The following PPFIA4 variants were observed in gnomAD, a reference collection of about 807,000 sequenced individuals.
The protein encoded by PPFIA4 is PPFI scaffold protein A4, also known as liprin-alpha-4.
A neutral mutation model predicts 145.7 loss-of-function variants in PPFIA4; 98 were observed. The ratio of observed to expected loss-of-function variants is 0.67; its 90% CI spans 0.57 to 0.80. The LOEUF (loss-of-function observed/expected upper bound fraction) is 0.80. Ranked by LOEUF, PPFIA4 falls within the 30% of genes least tolerant of loss-of-function variation. The pLI, the probability that PPFIA4 is intolerant of heterozygous loss-of-function variation, is 0.00. For missense variants in PPFIA4, 1,457 were observed against 1,632.7 expected (o/e 0.89, Z 1.85); for synonymous variants, 628 against 649.6 (o/e 0.97, Z 0.51).
At chr1:203,061,579 G>T in intron 23 of PPFIA4, 73 bp from the exon 24 acceptor site, 1 of 1,434,160 alleles carries the variant, frequency 7.0e-7, no homozygotes, top group Non-Finnish European at 9.3e-7. Context: ...CTCCTTGATG[G>T]GGCCTAGGGT....
In PPFIA4 at chr1:203,055,968, C is replaced by CTT. The variant is rs199570318; in HGVS notation, c.2071-139_2071-138dup. 1.1e-4 allele frequency among the ~76,000 whole-genome samples: 16 copies of CTT among 145,980 alleles called. No individual in the cohort carries two copies. The highest frequency in any genetic ancestry group is 1.4e-4 in the Non-Finnish European group (9 of 66,196). On this transcript the variant is annotated intron_variant, in intron 16 of 29. Transcript: ENST00000295706. The surrounding 1 kb of genome is among the most constrained non-coding windows in gnomAD (Gnocchi z 4.8). ...GCCCTGGCTTGTTTTTCTAGGCCAG[C>CTT]TTTTTTTTTTTTTTCTGGCGTGATA...
At chr1:203,058,499 G>T (rs992986298) in intron 19 of PPFIA4, among the ~76,000 whole-genome samples, 1 of 152,176 alleles carries the variant, frequency 6.6e-6, no homozygotes, top group Non-Finnish European at 1.5e-5. Flanking sequence ...TATGATTTTC[G>T]ATGCTCTCCA....
chr1:203,044,316 C>A, intron 4 of PPFIA4, 63 bp from the exon 5 acceptor site: 5 of 1,466,048 alleles, frequency 3.4e-6, no homozygotes, highest in South Asian at 1.2e-5. Flanking sequence ...CAAGCCCAGT[C>A]TCTTCCAGCC....
intron 1 of PPFIA4, among the ~76,000 whole-genome samples, chr1:203,029,319 C>T (rs1658657424): frequency 6.6e-6 from 1 of 152,244 alleles, no homozygotes; most frequent in South Asian, 2.1e-4. Context: ...CTGCCTTTCA[C>T]TTGGTGGCTG....
At chr1:203,039,974 C>A (rs1659584066) in intron 2 of PPFIA4, among the ~76,000 whole-genome samples, 1 of 152,214 alleles carries the variant, frequency 6.6e-6, no homozygotes, top group South Asian at 2.1e-4. Context: ...CTCACCACTG[C>A]ACCTATTTCT....
chr1:203,065,298 A>T (rs973800563), intron 25 of PPFIA4, among the ~76,000 whole-genome samples: 3 of 152,148 alleles, frequency 2.0e-5, no homozygotes, highest in Admixed American at 2.0e-4. Context: ...GGAAGACCGC[A>T]TCCTCCCCTC....
chr1:203,056,932 G>C lies in PPFIA4; in HGVS notation c.2389G>C (p.Asp797His), dbSNP rs774650502. Residue 797 changes from aspartate to histidine, a missense_variant, in exon 19 of 30, where the codon GAT becomes CAT. By Grantham distance (81) the Asp-to-His change is moderately conservative. This residue lies in a region of PPFIA4 where 848 missense variants were observed against 1,046.7 expected (regional missense o/e 0.81). Coordinates refer to ENST00000295706, the MANE Select transcript of PPFIA4 (RefSeq NM_001304331.2). The stretch of plus-strand genomic sequence containing the variant: ...GGGCAGGCTGATCCAGCTGAGTCGG[G>C]ATGGAGCCACAGGCCATGGTCTCTG... ...EKGRLIQLSR[D>H]GATGHVLLTD... 1.2e-6 allele frequency: 2 copies of C among 1,614,060 alleles called. No individual in the cohort carries two copies. Among genetic ancestry groups the C allele is most frequent in the Non-Finnish European group, 1.7e-6 (2 of 1,179,904 alleles).
intron 14 of PPFIA4, 126 bp from the exon 15 acceptor site, chr1:203,053,627 T>G: frequency 1.6e-4 from 120 of 754,654 alleles, no homozygotes; most frequent in Non-Finnish European, 2.1e-4. Context: ...TGGTGCGGCC[T>G]GAGATTCTGC....
intron 25 of PPFIA4, 21 bp downstream of exon 25, chr1:203,064,024 G>C (rs1661569544): frequency 6.2e-7 from 1 of 1,603,272 alleles, no homozygotes; most frequent in African/African-American, 1.3e-5. Flanking sequence ...CTGGGACCCA[G>C]GGCCACCTCC....
intron 29 of PPFIA4, chr1:203,076,018 T>G: frequency 1.7e-6 from 1 of 584,324 alleles, no homozygotes. Flanking sequence ...TCGGACCTAC[T>G]CCTGCTGACC....
rs575530659 is a variant in PPFIA4 at position 203,035,205 on chromosome 1, T to C, written c.-399-3405T>C. On this transcript the variant is annotated intron_variant, in intron 1 of 29. Coordinates refer to ENST00000295706, the MANE Select transcript of PPFIA4 (RefSeq NM_001304331.2). ...TGGCTGCCACCTGGAGGCTCCCTTTTTGCCCAGCTGAATAGCCCCTCAGAC... is the reference window on the plus strand; with the variant it reads ...TGGCTGCCACCTGGAGGCTCCCTTTCTGCCCAGCTGAATAGCCCCTCAGAC... 4 of 434,788 alleles carry C rather than the reference T, an allele frequency of 9.2e-6. No homozygotes were observed. The East Asian group carries it at 2.9e-4, about 31-fold the overall frequency. 26.9% of individuals were successfully genotyped at this position (434,788 alleles called of 1,614,324 possible).
intron 21 of PPFIA4, 49 bp downstream of exon 21, chr1:203,059,900 C>A: frequency 6.8e-7 from 1 of 1,465,472 alleles, no homozygotes; most frequent in Non-Finnish European, 9.4e-7. Context: ...GGGAAGGATG[C>A]TTGGGGTGGG....
chr1:203,056,369 G>A lies in PPFIA4; in HGVS notation c.2107-6G>A. 6.2e-7 allele frequency: 1 copy of A among 1,613,592 alleles called. No individual in the cohort carries two copies. Among genetic ancestry groups the A allele is most frequent in the Non-Finnish European group, 8.5e-7 (1 of 1,179,664 alleles). On this transcript the variant is annotated splice_polypyrimidine_tract_variant and splice_region_variant and intron_variant, in intron 17 of 29. Transcript: ENST00000295706. ...CTATCCCCTGACGGCTCCACTGTCT[G>A]TTCAGTCGCCAGTGTCTCGGGAAGA...
At chr1:203,035,494 C>T (rs1659174565) in intron 1 of PPFIA4, 5 of 306,614 alleles carry the variant, frequency 1.6e-5, no homozygotes, top group Non-Finnish European at 2.7e-5. Flanking sequence ...TTTGTCCAAT[C>T]CCCCACCCCC....
intron 4 of PPFIA4, 115 bp from the exon 5 acceptor site, chr1:203,044,264 T>C: frequency 8.5e-7 from 1 of 1,181,494 alleles, no homozygotes; most frequent in Non-Finnish European, 1.2e-6. Flanking sequence ...AATGTGCTGC[T>C]TAGTAGGCCC....
chr1:203,036,783 G>C (rs1314221177), intron 1 of PPFIA4, among the ~76,000 whole-genome samples: 1 of 152,244 alleles, frequency 6.6e-6, no homozygotes, highest in Non-Finnish European at 1.5e-5. Context: ...GAGGAGCAGG[G>C]AGGTGCGAGT....
At position 203,063,834 on chromosome 1, in the gene PPFIA4, G is replaced by A; in HGVS notation, c.2881G>A (p.Ala961Thr). ...SEEGSWAQTL[A>T]YGDMNHEWIG... is the part of the protein sequence containing the mutation. ...CTGCATCTCATTTCCCTAGACCCTG[G>A]CCTATGGGGACATGAACCATGAGTG... The change falls in exon 25 of 30, where the codon GCC becomes ACC. Residue 961 changes from alanine to threonine, a missense_variant. Around this residue, in one of 3 missense-constraint regions of PPFIA4, gnomAD observed 848 missense variants for 1,046.7 expected, o/e 0.81. Coordinates refer to ENST00000295706, the MANE Select transcript of PPFIA4 (RefSeq NM_001304331.2). 1 of 1,613,926 alleles carries A rather than the reference G, an allele frequency of 6.2e-7. No homozygotes were observed.
At position 203,075,481 on chromosome 1, in the gene PPFIA4, C is replaced by A; in HGVS notation, c.3394-96C>A. 1 of 1,037,394 alleles carries A rather than the reference C, an allele frequency of 9.6e-7. No individual in the cohort carries two copies. Among genetic ancestry groups the A allele is most frequent in the Non-Finnish European group, 1.3e-6 (1 of 791,854 alleles). The allele number at this position is 1,037,394 out of a possible 1,614,324, so 64.3% of individuals were successfully genotyped here. ...TCTTTCCAAAGGGGTGGGAGTGGTG[C>A]CCCTTGAACCAGCAGCGACTGGCCC... On this transcript the variant is annotated intron_variant, in intron 28 of 29. Coordinates refer to ENST00000295706, the MANE Select transcript of PPFIA4 (RefSeq NM_001304331.2). The surrounding 1 kb of genome is among the most constrained non-coding windows in gnomAD (Gnocchi z 4.1).
chr1:203,061,192 C>T (rs141649236), intron 23 of PPFIA4, among the ~76,000 whole-genome samples, 160 bp downstream of exon 23: 9 of 152,108 alleles, frequency 5.9e-5, no homozygotes, highest in East Asian at 3.9e-4. Context: ...GGAGGGTTGT[C>T]GGGAGAGGGG....
Sources: gnomAD v4.1 joint callset for allele counts (sites outside exome capture counted in the v4.1 genomes callset) on GRCh38, gnomAD v4.1.1 for gene constraint, gnomAD v4.1.1 regional missense constraint, Gnocchi (gnomAD v3.1) non-coding constraint, MANE v1.5 for transcripts, NCBI Gene and HGNC (gene_info 2026-07-23, HGNC 2026-07-21) for gene names.